Variants in LRP1B observed in about 807,000 individuals in gnomAD.
LRP1B encodes the protein LDL receptor related protein 1B, also known as low-density lipoprotein receptor-related protein 1B.
In LRP1B, 217 loss-of-function variants were observed where a neutral mutation model predicts 556.6. The ratio of observed to expected loss-of-function variants is 0.39; its 90% confidence interval spans 0.35 to 0.44. The LOEUF is 0.44. Among genes scored for constraint, LRP1B ranks in the 20% least tolerant of loss-of-function variants. The pLI is 1.00. For missense variants in LRP1B, 5,053 were observed against 5,620.8 expected (o/e 0.90, Z 3.23); for synonymous variants, 2,047 against 1,865.8 (o/e 1.10, Z -2.50).
At chr2:141,920,311 C>T (rs1005509993) in intron 1 of LRP1B, among the ~76,000 whole-genome samples, 20 of 142,520 alleles carry the variant, frequency 1.4e-4, no homozygotes, top group African/African-American at 4.6e-4. Flanking sequence ...TCATTTATTT[C>T]AAACTTTAAT....
intron 72 of LRP1B, among the ~76,000 whole-genome samples, chr2:140,361,368 ATATATATATAT>A (rs1276216338): frequency 1.5e-5 from 2 of 130,022 alleles, no homozygotes; most frequent in African/African-American, 5.8e-5. Flanking sequence ...ATATATATAT[ATATATATATAT>A]AACAAAAATA....
intron 29 of LRP1B, 86 bp downstream of exon 29, chr2:140,850,015 TA>T (rs1302271678): frequency 1.2e-6 from 1 of 854,604 alleles, no homozygotes; most frequent in Non-Finnish European, 1.9e-6. Flanking sequence ...TAAAGTTGAA[TA>T]AAAGAGAAAG....
intron 20 of LRP1B, among the ~76,000 whole-genome samples, chr2:140,933,066 T>C (rs1032438068): frequency 3.9e-5 from 6 of 152,036 alleles, no homozygotes; most frequent in Admixed American, 2.0e-4. Flanking sequence ...AAGTTATTCA[T>C]AAAAAGGTTT....
chr2:141,100,106 A>G (rs983555115), intron 7 of LRP1B, among the ~76,000 whole-genome samples: 5 of 152,128 alleles, frequency 3.3e-5, no homozygotes, highest in Non-Finnish European at 7.4e-5. Context: ...CTTATTGCTG[A>G]ACTCCCCAAA....
chr2:140,695,135 G>C (rs999245971), intron 41 of LRP1B, among the ~76,000 whole-genome samples: 1 of 151,306 alleles, frequency 6.6e-6, no homozygotes, highest in African/African-American at 2.4e-5. Context: ...AATTGAATTT[G>C]AGCATCCTAA....
chr2:141,362,213 A>G (rs550597203), intron 3 of LRP1B, among the ~76,000 whole-genome samples: 1 of 152,354 alleles, frequency 6.6e-6, no homozygotes, highest in East Asian at 1.9e-4. Context: ...AATGGTTTAT[A>G]TGACTTGCTT....
Position 140,383,296 on chromosome 2 carries a change from G to A in LRP1B, c.10531+2597C>T, listed in dbSNP as rs199497761. The stretch of plus-strand genomic sequence containing the variant: ...AATGTATTAGGACAGTGATGTGCGT[G>A]TGTGTGTGTGTGTGTGTGTGTGTGT... On this transcript the variant is annotated intron_variant, in intron 67 of 90. Coordinates refer to ENST00000389484, the MANE Select transcript of LRP1B (RefSeq NM_018557.3). Among the ~76,000 whole-genome samples the A allele has an allele frequency of 5.9e-5, 7 of 119,610 alleles. No homozygotes were observed. The East Asian group carries it at 1.1e-3, about 18-fold the overall frequency. 78.5% of individuals were successfully genotyped at this position (119,610 alleles called of 152,430 possible). A position where few individuals can be genotyped will look rare whatever the true frequency, so the allele number is the denominator to read the frequency against.
In LRP1B at chr2:140,341,576, C is replaced by A. The variant is rs554232476; in HGVS notation, c.11893-5738G>T. 2.4e-4 allele frequency among the ~76,000 whole-genome samples: 36 copies of A among 151,080 alleles called. No individual in the cohort carries two copies. The East Asian group carries it at 4.7e-3, about 20-fold the overall frequency. On this transcript the variant is annotated intron_variant, in intron 77 of 90. Coordinates refer to ENST00000389484, the MANE Select transcript of LRP1B (RefSeq NM_018557.3). ...TAATAAAAGAGCTTTGGTTAATTAG[C>A]AAAATTAAGGAAGACAGAAAAAAAT...
chr2:141,435,880 T>A (rs992656676), intron 3 of LRP1B, among the ~76,000 whole-genome samples: 1 of 152,058 alleles, frequency 6.6e-6, no homozygotes, highest in Admixed American at 6.5e-5. Flanking sequence ...TGGGCCTGGG[T>A]GGGAGGAGAA....
intron 3 of LRP1B, among the ~76,000 whole-genome samples, chr2:141,379,062 A>G (rs997347440): frequency 1.3e-5 from 2 of 152,204 alleles, no homozygotes. Flanking sequence ...TCCAACCTAC[A>G]TTATAATCAA....
chr2:140,747,613 C>T (rs934149950), intron 35 of LRP1B, among the ~76,000 whole-genome samples: 8 of 151,992 alleles, frequency 5.3e-5, no homozygotes, highest in Non-Finnish European at 7.4e-5. Flanking sequence ...TGGGAGTTAT[C>T]GGTGTAGTCA....
intron 79 of LRP1B, among the ~76,000 whole-genome samples, chr2:140,329,823 G>GTAATT (rs1256921746): frequency 3.3e-5 from 5 of 151,414 alleles, no homozygotes; most frequent in Non-Finnish European, 7.4e-5. Context: ...ACTACCCAAA[G>GTAATT]TAATTTATAC....
At chr2:141,867,283 G>A (rs1698443000) in intron 1 of LRP1B, among the ~76,000 whole-genome samples, 1 of 151,736 alleles carries the variant, frequency 6.6e-6, no homozygotes, top group South Asian at 2.1e-4. Flanking sequence ...TGAAATGATG[G>A]GTCTATCTAG....
At chr2:141,492,379 C>T (rs1033293692) in intron 2 of LRP1B, among the ~76,000 whole-genome samples, 2 of 151,954 alleles carry the variant, frequency 1.3e-5, no homozygotes, top group Non-Finnish European at 2.9e-5. Context: ...CAAAACAAAA[C>T]AAAAAATATC....
At chr2:140,913,409 T>A (rs1047399922) in intron 21 of LRP1B, among the ~76,000 whole-genome samples, 2 of 151,862 alleles carry the variant, frequency 1.3e-5, no homozygotes, top group Non-Finnish European at 2.9e-5. Flanking sequence ...ATATGTATGA[T>A]TGGAAGGATG....
intron 10 of LRP1B, among the ~76,000 whole-genome samples, chr2:141,054,541 A>T (rs1699125437): frequency 6.6e-6 from 1 of 152,052 alleles, no homozygotes. Flanking sequence ...AAAATAAAAC[A>T]AAGATATATC....
At chr2:140,428,842 AAT>A (rs1436251424) in intron 66 of LRP1B, among the ~76,000 whole-genome samples, 8 of 152,052 alleles carry the variant, frequency 5.3e-5, no homozygotes, top group Non-Finnish European at 8.8e-5. Flanking sequence ...CAACTTAGAC[AAT>A]ACTTTTTTAA....
chr2:141,382,983 A>G (rs538397107), intron 3 of LRP1B, among the ~76,000 whole-genome samples: 25 of 152,378 alleles, frequency 1.6e-4, no homozygotes, highest in African/African-American at 6.0e-4. Flanking sequence ...TGCTTCCGAT[A>G]GAGGATCAAT....
intron 1 of LRP1B, among the ~76,000 whole-genome samples, chr2:142,126,194 T>C (rs1707644874): frequency 6.6e-6 from 1 of 152,008 alleles, no homozygotes; most frequent in Non-Finnish European, 1.5e-5. Flanking sequence ...AACAAAATAC[T>C]TGTTATATCG....
Sources: gnomAD v4.1 joint callset for allele counts (sites outside exome capture counted in the v4.1 genomes callset) on GRCh38, gnomAD v4.1.1 for gene constraint, MANE v1.5 for transcripts, NCBI Gene and HGNC (gene_info 2026-07-23, HGNC 2026-07-21) for gene names.